Variants in GLS observed in about 807,000 individuals in gnomAD.
GLS encodes the protein glutaminase kidney isoform, mitochondrial.
GLS carries 36 observed loss-of-function variants against 86.7 expected under a neutral mutation model. That is an observed-to-expected ratio of 0.42 (90% confidence interval 0.32 to 0.55). The LOEUF is 0.55. Among genes scored for constraint, GLS ranks in the 20% least tolerant of loss-of-function variants. The pLI is 0.17. For missense variants in GLS, 528 were observed against 833.4 expected, an observed-to-expected ratio of 0.63 and a Z score of 4.51; for synonymous variants, 317 against 305.9, an observed-to-expected ratio of 1.04 and a Z score of -0.38.
rs556087614 is a variant in GLS, at chr2:190,931,540, T to C, written c.1558-5T>C. The C allele has an allele frequency of 2.8e-6, 4 of 1,420,936 alleles. No individual in the cohort carries two copies. Among genetic ancestry groups the C allele is most frequent in the African/African-American group, 2.8e-5 (2 of 70,740 alleles). The allele number at this position is 1,420,936 out of a possible 1,614,324, so 88.0% of individuals were successfully genotyped here. The stretch of plus-strand genomic sequence containing the variant: ...CTTATACCTGCTCTGTATAACTGTT[T>C]ACAGGATCTTGTTTCTCTGTGTAAT... On this transcript the variant is annotated splice_polypyrimidine_tract_variant and splice_region_variant and intron_variant, in intron 13 of 17. Transcript: ENST00000320717.
At chr2:190,883,582 C>T (rs1574553660) in intron 1 of GLS, among the ~76,000 whole-genome samples, 2 of 152,264 alleles carry the variant, frequency 1.3e-5, no homozygotes, top group Non-Finnish European at 1.5e-5. Flanking sequence ...AATGAGAAAA[C>T]ATTGCTTCTT....
intron 6 of GLS, among the ~76,000 whole-genome samples, chr2:190,909,420 C>T (rs1011381088): frequency 1.3e-5 from 2 of 152,130 alleles, no homozygotes; most frequent in African/African-American, 4.8e-5. Flanking sequence ...CTTATTCCCC[C>T]TGTGTAACTG....
intron 17 of GLS, among the ~76,000 whole-genome samples, chr2:190,958,064 A>T (rs1249341540): frequency 6.6e-6 from 1 of 152,008 alleles, no homozygotes. Flanking sequence ...GTAGGCTATT[A>T]ATTACTGCCT....
At position 190,905,149 on chromosome 2, in the gene GLS, C is replaced by T. The variant is rs1158142833; in HGVS notation, c.961C>T (p.Leu321=). The T allele has an allele frequency of 6.3e-7, 1 of 1,593,172 alleles. No individual in the cohort carries two copies. Among genetic ancestry groups the T allele is most frequent in the South Asian group, 1.1e-5 (1 of 89,292 alleles). ...GCCGAGTGGACTAAGATTCAACAAACTATTTTTGAATGAAGATGGTAAGAA... is the reference window on the plus strand; with the variant it reads ...GCCGAGTGGACTAAGATTCAACAAATTATTTTTGAATGAAGATGGTAAGAA... ...KEPSGLRFNK[L]FLNEDDKPHN... The change falls in exon 6 of 18, where the codon CTA becomes TTA. Residue 321 remains leucine, a synonymous_variant. Transcript: ENST00000320717. The surrounding 1 kb of genome is among the most constrained non-coding windows in gnomAD (Gnocchi z 4.6).
chr2:190,913,554 C>A lies in GLS; in HGVS notation c.1038+3233C>A. ...TGATTGCTTGATTAAAAGGAAAGAA[C>A]AAAAATAAATTTGAAAGGAACAGTT... On this transcript the variant is annotated intron_variant, in intron 7 of 17. Coordinates refer to ENST00000320717, the MANE Select transcript of GLS (RefSeq NM_014905.5). This position sits in a 1 kb window ranked among gnomAD's most constrained non-coding sequence, Gnocchi z 6.1. 6 of 963,112 alleles carry A rather than the reference C, an allele frequency of 6.2e-6. No homozygotes were observed. The South Asian group carries it at 2.9e-4, about 46-fold the overall frequency. The allele number at this position is 963,112 out of a possible 1,614,324, so 59.7% of individuals were successfully genotyped here.
Position 190,923,904 on chromosome 2 carries a change from T to C in GLS, c.1131-13T>C, listed in dbSNP as rs1414628003. 7 of 1,527,156 alleles carry C rather than the reference T, an allele frequency of 4.6e-6. No homozygotes were observed. In the African/African-American group the frequency reaches 6.9e-5, roughly 15 times the overall value. The allele number at this position is 1,527,156 out of a possible 1,614,324, so 94.6% of individuals were successfully genotyped here. A position where few individuals can be genotyped will look rare whatever the true frequency, so the allele number is the denominator to read the frequency against. ...AAAGTACATAGAGCAAATGTTTTTT[T>C]TTCTTCTTCCAGGTTTCAGTCTGAA... On this transcript the variant is annotated splice_polypyrimidine_tract_variant and intron_variant, in intron 9 of 17. Transcript: ENST00000320717.
At chr2:190,941,132 T>G (rs189465913) in intron 14 of GLS, among the ~76,000 whole-genome samples, 30 of 152,274 alleles carry the variant, frequency 2.0e-4, no homozygotes, top group African/African-American at 7.0e-4. Context: ...CCGTGAAGTG[T>G]TTAGGATATG....
Position 190,920,995 on chromosome 2 carries a change from A to G in GLS, c.1039-29A>G, listed in dbSNP as rs1454196731. 1 of 1,290,380 alleles carries G rather than the reference A, an allele frequency of 7.7e-7. No homozygotes were observed. The highest frequency in any genetic ancestry group is 1.2e-5 in the South Asian group (1 of 83,984). 79.9% of individuals were successfully genotyped at this position (1,290,380 alleles called of 1,614,324 possible). A position where few individuals can be genotyped will look rare whatever the true frequency, so the allele number is the denominator to read the frequency against. ...CTTAACTGTAGTGGTACCTATATTA[A>G]CGTATTTATGTCTCTTATTTTTTTG... On this transcript the variant is annotated intron_variant, in intron 7 of 17. Transcript: ENST00000320717. This position sits in a 1 kb window ranked among gnomAD's most constrained non-coding sequence, Gnocchi z 4.2.
chr2:190,929,075 G>A lies in GLS; in HGVS notation c.1426-1362G>A, dbSNP rs376628912. The stretch of plus-strand genomic sequence containing the variant: ...ATCTCGGCTCACTGCAACCTCCATC[G>A]CCTGGGTTCTAGCAATTCTCCTATC... On this transcript the variant is annotated intron_variant, in intron 12 of 17. Coordinates refer to ENST00000320717, the MANE Select transcript of GLS (RefSeq NM_014905.5). Among the ~76,000 whole-genome samples the A allele has an allele frequency of 4.7e-5, 7 of 149,510 alleles. No individual in the cohort carries two copies. The East Asian group carries it at 8.0e-4, about 17-fold the overall frequency.
At chr2:190,917,009 T>C (rs894664941) in intron 7 of GLS, among the ~76,000 whole-genome samples, 9 of 152,216 alleles carry the variant, frequency 5.9e-5, no homozygotes, top group African/African-American at 2.2e-4. Flanking sequence ...TGCTGAAGAT[T>C]GCGGTGGCTG....
In GLS at chr2:190,932,993, T is replaced by G. The variant is rs182726164; in HGVS notation, c.1650+1356T>G. 8.4e-6 allele frequency: 10 copies of G among 1,185,108 alleles called. No individual in the cohort carries two copies. The East Asian group carries it at 3.1e-4, about 36-fold the overall frequency. 73.4% of individuals were successfully genotyped at this position (1,185,108 alleles called of 1,614,324 possible). On this transcript the variant is annotated intron_variant, in intron 14 of 17. Coordinates refer to ENST00000320717, the MANE Select transcript of GLS (RefSeq NM_014905.5). ...ATCTTGGGTGCTGGAGCCATAAAGCTTTTTTTTCCTTTTAATCTTTGTATA... is the reference window on the plus strand; with the variant it reads ...ATCTTGGGTGCTGGAGCCATAAAGCGTTTTTTTCCTTTTAATCTTTGTATA...
Position 190,964,402 on chromosome 2 carries a change from T to G in GLS, c.*1416T>G, listed in dbSNP as rs1384972832. The G allele has an allele frequency of 1.4e-5, 2 of 142,440 alleles. No individual in the cohort carries two copies. The highest frequency in any genetic ancestry group is 3.1e-5 in the Non-Finnish European group (2 of 63,704). The allele number at this position is 142,440 out of a possible 1,614,324, so 8.8% of individuals were successfully genotyped here. ...GAAATGAGCTCAAGTACATGAATGT[T>G]AGTTGTTATCACATACAGCAAATTC... On this transcript the variant is annotated 3_prime_UTR_variant, in exon 18 of 18. Coordinates refer to ENST00000320717, the MANE Select transcript of GLS (RefSeq NM_014905.5). The surrounding 1 kb of genome is among the most constrained non-coding windows in gnomAD (Gnocchi z 5.2).
At chr2:190,944,697 G>A (rs920271028) in intron 14 of GLS, among the ~76,000 whole-genome samples, 1 of 152,062 alleles carries the variant, frequency 6.6e-6, no homozygotes, top group African/African-American at 2.4e-5. Context: ...GTGTTTACTG[G>A]AATAATATGC....
At position 190,881,422 on chromosome 2, in the gene GLS, A is replaced by G. The variant is rs1249672445; in HGVS notation, c.338A>G (p.Asp113Gly). The G allele has an allele frequency of 6.5e-7, 1 of 1,545,160 alleles. No individual in the cohort carries two copies. The highest frequency in any genetic ancestry group is 1.2e-5 in the South Asian group (1 of 83,902). ...PGPKDGPGET[D>G]AFGNSEGKEL... ...CCCAAGGACGGCCCCGGGGAGACGG[A>G]CGCGTTTGGCAACAGCGAGGGCAAA... Residue 113 changes from aspartate (D) to glycine (G), a missense_variant, in exon 1 of 18, where the codon GAC becomes GGC. Physicochemically the swap from Asp to Gly is moderately conservative, Grantham distance 94. This residue lies in a region of GLS where 224 missense variants were observed against 187.9 expected (regional missense o/e 1.19). Transcript: ENST00000320717.
At position 190,962,547 on chromosome 2, in the gene GLS, C is replaced by T. The variant is rs1691028226; in HGVS notation, c.1854-283C>T. Among the ~76,000 whole-genome samples, 1 of 152,216 alleles carries T rather than the reference C, an allele frequency of 6.6e-6. No individual in the cohort carries two copies. ...GAGCAGTCTATTATATCTGTCACCA[C>T]AAGGACTTTCCTTAAAAAGCTCCCT... On this transcript the variant is annotated intron_variant, in intron 17 of 17. Coordinates refer to ENST00000320717, the MANE Select transcript of GLS (RefSeq NM_014905.5). This position sits in a 1 kb window ranked among gnomAD's most constrained non-coding sequence, Gnocchi z 4.2.
At position 190,947,998 on chromosome 2, in the gene GLS, TG is replaced by T. The variant is rs1374195038; in HGVS notation, c.1651-5566del. ...GTGTTAAACTAGTTTCATTTTCTTT[TG>T]TGGCATTCTACCCACAGCTCATTTC... On this transcript the variant is annotated intron_variant, in intron 14 of 17. Transcript: ENST00000320717. The surrounding 1 kb of genome is among the most constrained non-coding windows in gnomAD (Gnocchi z 5.0). 6.6e-6 allele frequency among the ~76,000 whole-genome samples: 1 copy of T among 152,236 alleles called. No homozygotes were observed. The highest frequency in any genetic ancestry group is 1.5e-5 in the Non-Finnish European group (1 of 68,038).
At chr2:190,950,919 T>C (rs1690702870) in intron 14 of GLS, among the ~76,000 whole-genome samples, 2 of 152,126 alleles carry the variant, frequency 1.3e-5, no homozygotes, top group Admixed American at 6.6e-5. Context: ...CTGGAAGCAA[T>C]GTCAAGTAGG....
chr2:190,925,220 A>AT (rs1033197959), intron 11 of GLS, among the ~76,000 whole-genome samples: 2 of 151,978 alleles, frequency 1.3e-5, no homozygotes, highest in Admixed American at 6.6e-5. Flanking sequence ...TTTATTTTTT[A>AT]TTTTTTTATT....
chr2:190,911,171 G>A (rs1689347011), intron 7 of GLS, among the ~76,000 whole-genome samples: 1 of 151,554 alleles, frequency 6.6e-6, no homozygotes, highest in African/African-American at 2.4e-5. Context: ...CAAGTTAGAG[G>A]AAAGCATAAC....
Sources: gnomAD v4.1 joint callset for allele counts (sites outside exome capture counted in the v4.1 genomes callset) on GRCh38, gnomAD v4.1.1 for gene constraint, gnomAD v4.1.1 regional missense constraint, Gnocchi (gnomAD v3.1) non-coding constraint, MANE v1.5 for transcripts, NCBI Gene and HGNC (gene_info 2026-07-23, HGNC 2026-07-21) for gene names.